The following GMDS variants were observed in gnomAD, a reference collection of about 807,000 sequenced individuals.
The protein encoded by GMDS is GDP-mannose 4,6 dehydratase.
GMDS carries 20 observed loss-of-function variants against 49.9 expected under a neutral mutation model. The ratio of observed to expected loss-of-function variants is 0.40; its 90% CI spans 0.28 to 0.58. The LOEUF (loss-of-function observed/expected upper bound fraction) is 0.58. GMDS is among the 20% of genes least tolerant of loss of function. GMDS has a pLI of 0.42. For synonymous variants in GMDS, 177 were observed against 178.6 expected (o/e 0.99, Z 0.07); for missense variants, 362 against 481.4 (o/e 0.75, Z 2.32).
chr6:2,127,524 G>A (rs983071524), intron 1 of GMDS, among the ~76,000 whole-genome samples: 3 of 152,194 alleles, frequency 2.0e-5, no homozygotes, highest in Admixed American at 6.5e-5. Flanking sequence ...TGTCAATAAG[G>A]TCTTGTTCTT....
intron 7 of GMDS, among the ~76,000 whole-genome samples, chr6:1,774,484 C>A (rs1260727138): frequency 6.6e-6 from 1 of 152,182 alleles, no homozygotes; most frequent in East Asian, 1.9e-4. Flanking sequence ...TTTTATAAAG[C>A]AAAGCATGAG....
intron 7 of GMDS, among the ~76,000 whole-genome samples, chr6:1,867,565 AC>A (rs2113796482): frequency 6.6e-6 from 1 of 152,310 alleles, no homozygotes; most frequent in Admixed American, 6.5e-5. Context: ...CAGCTTACTG[AC>A]ACCTACCCAG....
At chr6:2,023,675 A>T (rs1433396872) in intron 4 of GMDS, among the ~76,000 whole-genome samples, 1 of 152,242 alleles carries the variant, frequency 6.6e-6, no homozygotes, top group Non-Finnish European at 1.5e-5. Context: ...TAAGCACTAA[A>T]CTGATTTTTC....
At chr6:2,196,286 C>T (rs1253450292) in intron 1 of GMDS, among the ~76,000 whole-genome samples, 1 of 152,230 alleles carries the variant, frequency 6.6e-6, no homozygotes, top group Admixed American at 6.5e-5. Context: ...TCCCTCACTG[C>T]ACTGATAAAC....
intron 4 of GMDS, among the ~76,000 whole-genome samples, chr6:2,033,100 A>G (rs1439954602): frequency 1.3e-5 from 2 of 152,236 alleles, no homozygotes; most frequent in Non-Finnish European, 2.9e-5. Flanking sequence ...TTGCAATTCA[A>G]GTAGTTTCCA....
intron 4 of GMDS, among the ~76,000 whole-genome samples, chr6:2,063,231 A>G (rs1165748951): frequency 1.3e-5 from 2 of 152,258 alleles, no homozygotes; most frequent in Non-Finnish European, 2.9e-5. Flanking sequence ...AATAAATCTC[A>G]AATTTGGGAT....
chr6:2,027,966 C>A (rs1334176679), intron 4 of GMDS, among the ~76,000 whole-genome samples: 2 of 152,010 alleles, frequency 1.3e-5, no homozygotes, highest in African/African-American at 2.4e-5. Context: ...ATTCTAGTGT[C>A]TATAGTTCTT....
chr6:1,827,457 TGGAAAACC>T (rs1771179547), intron 7 of GMDS, among the ~76,000 whole-genome samples: 6 of 146,602 alleles, frequency 4.1e-5, no homozygotes, highest in African/African-American at 1.5e-4. Flanking sequence ...ACACACGTTT[TGGAAAACC>T]TGTATATACA....
At chr6:1,829,179 G>A (rs550029224) in intron 7 of GMDS, among the ~76,000 whole-genome samples, 1 of 152,162 alleles carries the variant, frequency 6.6e-6, no homozygotes, top group Non-Finnish European at 1.5e-5. Context: ...AGGAGTGGCA[G>A]AAGTGGAAGA....
chr6:1,708,437 G>T (rs116761069), intron 9 of GMDS, among the ~76,000 whole-genome samples: 1 of 152,204 alleles, frequency 6.6e-6, no homozygotes, highest in Non-Finnish European at 1.5e-5. Flanking sequence ...CAACAGCAAC[G>T]AGGACAAACA....
chr6:1,918,860 CTTCCT>C (rs61373300), intron 7 of GMDS, among the ~76,000 whole-genome samples: 16,312 of 152,170 alleles, frequency 0.11, 908 homozygotes, highest in South Asian at 0.17. Flanking sequence ...ATAGACGTTA[CTTCCT>C]TTCATTTATG....
chr6:1,981,680 C>T (rs1045082755), intron 4 of GMDS, among the ~76,000 whole-genome samples: 14 of 152,122 alleles, frequency 9.2e-5, no homozygotes, highest in Admixed American at 5.9e-4. Context: ...ATGAAACCAG[C>T]ATCATGCTGA....
At chr6:2,043,952 G>A (rs1769842600) in intron 4 of GMDS, among the ~76,000 whole-genome samples, 1 of 152,022 alleles carries the variant, frequency 6.6e-6, no homozygotes, top group East Asian at 1.9e-4. Flanking sequence ...TGGCCAACAA[G>A]CATATGAGAA....
intron 7 of GMDS, among the ~76,000 whole-genome samples, chr6:1,803,007 AG>A (rs1200595021): frequency 6.6e-6 from 1 of 152,226 alleles, no homozygotes; most frequent in Non-Finnish European, 1.5e-5. Context: ...GCTGATAAGG[AG>A]GTTTAAAAAA....
chr6:1,945,893 T>G (rs1363840083), intron 6 of GMDS, among the ~76,000 whole-genome samples: 2 of 152,224 alleles, frequency 1.3e-5, no homozygotes, highest in African/African-American at 4.8e-5. Flanking sequence ...GTATCTGTCA[T>G]TCAGCAGTAT....
At chr6:1,946,979 G>A (rs1763100231) in intron 6 of GMDS, among the ~76,000 whole-genome samples, 1 of 152,226 alleles carries the variant, frequency 6.6e-6, no homozygotes, top group Non-Finnish European at 1.5e-5. Context: ...ATTCAATGGT[G>A]TCTAGCGAGT....
chr6:1,941,930 A>G (rs1239744430), intron 6 of GMDS, among the ~76,000 whole-genome samples: 1 of 151,912 alleles, frequency 6.6e-6, no homozygotes, highest in Admixed American at 6.6e-5. Context: ...TGACTACACG[A>G]CTCAACCCCG....
chr6:2,230,261 A>G (rs1781025871), intron 1 of GMDS, among the ~76,000 whole-genome samples: 1 of 152,234 alleles, frequency 6.6e-6, no homozygotes, highest in Non-Finnish European at 1.5e-5. Flanking sequence ...AAAACTAAAA[A>G]TCTAGATGCT....
At chr6:1,756,266 T>G (rs934317673) in intron 7 of GMDS, among the ~76,000 whole-genome samples, 3 of 127,680 alleles carry the variant, frequency 2.3e-5, no homozygotes, top group South Asian at 2.2e-4. Flanking sequence ...TTTGTTCTGG[T>G]TTTTTTTTTT....
Sources: gnomAD v4.1 joint callset for allele counts (sites outside exome capture counted in the v4.1 genomes callset) on GRCh38, gnomAD v4.1.1 for gene constraint, MANE v1.5 for transcripts, NCBI Gene and HGNC (gene_info 2026-07-23, HGNC 2026-07-21) for gene names.